DNAJC11: variants seen among roughly 807,000 people sequenced by gnomAD.
The protein encoded by DNAJC11 is dnaJ homolog subfamily C member 11.
In DNAJC11, 15 loss-of-function variants were observed where a neutral mutation model predicts 78.6. That is an observed-to-expected ratio of 0.19 (90% CI 0.13 to 0.29). The LOEUF (loss-of-function observed/expected upper bound fraction) is 0.29. Among genes scored for constraint, DNAJC11 ranks in the 10% least tolerant of loss-of-function variants. The pLI is 1.00. For missense variants in DNAJC11, 547 were observed against 709.6 expected, an observed-to-expected ratio of 0.77 and a Z score of 2.60; for synonymous variants, 292 against 272.1, an observed-to-expected ratio of 1.07 and a Z score of -0.72.
rs1003254563 is a variant in DNAJC11 at position 6,645,446 on chromosome 1, G to A, written c.895-320C>T. 1.3e-5 allele frequency among the ~76,000 whole-genome samples: 2 copies of A among 152,244 alleles called. No homozygotes were observed. The highest frequency in any genetic ancestry group is 2.9e-5 in the Non-Finnish European group (2 of 68,042). ...CCCGTGTGGGGCTTCTCATGTACCAGCCCTGGTGTGGCCACAGGGGCGTCC... is the reference window on the plus strand; with the variant it reads ...CCCGTGTGGGGCTTCTCATGTACCAACCCTGGTGTGGCCACAGGGGCGTCC... On this transcript the variant is annotated intron_variant, in intron 8 of 15. Transcript: ENST00000377577. This position sits in a 1 kb window ranked among gnomAD's most constrained non-coding sequence, Gnocchi z 4.1.
intron 9 of DNAJC11, 113 bp from the exon 10 acceptor site, chr1:6,644,787 C>G: frequency 1.1e-6 from 1 of 938,948 alleles, no homozygotes; most frequent in Non-Finnish European, 1.7e-6. Context: ...GCCTCCTCGA[C>G]CCCCAGGGAG....
At chr1:6,655,117 T>G (rs1475437077) in intron 4 of DNAJC11, among the ~76,000 whole-genome samples, 1 of 152,192 alleles carries the variant, frequency 6.6e-6, no homozygotes, top group Non-Finnish European at 1.5e-5. Context: ...TTCTATCAGA[T>G]GCTTCAATCT....
rs1642536955 is a variant in DNAJC11 at position 6,680,607 on chromosome 1, A to T, written c.202+301T>A. Reference sequence around the variant, plus strand: ...CCTTCCCTGTAACGATCAGCCTTTTACCTATAAGAGTTCCCTTTAGAAGAA... The same window carrying T: ...CCTTCCCTGTAACGATCAGCCTTTTTCCTATAAGAGTTCCCTTTAGAAGAA... On this transcript the variant is annotated intron_variant, in intron 2 of 15. Transcript: ENST00000377577. This position sits in a 1 kb window ranked among gnomAD's most constrained non-coding sequence, Gnocchi z 4.0. Among the ~76,000 whole-genome samples, 1 of 152,220 alleles carries T rather than the reference A, an allele frequency of 6.6e-6. No individual in the cohort carries two copies. The highest frequency in any genetic ancestry group is 6.5e-5 in the Admixed American group (1 of 15,284).
chr1:6,645,217 T>G lies in DNAJC11; in HGVS notation c.895-91A>C. The G allele has an allele frequency of 9.9e-7, 1 of 1,011,806 alleles. No homozygotes were observed. Among genetic ancestry groups the G allele is most frequent in the East Asian group, 2.5e-5 (1 of 40,712 alleles). 62.7% of individuals were successfully genotyped at this position (1,011,806 alleles called of 1,614,324 possible). A position where few individuals can be genotyped will look rare whatever the true frequency, so the allele number is the denominator to read the frequency against. ...TGCCCTCCCACTAGCTCTGGGCATCTGCTGCACACAGGCCTTTAAGGCAGG... is the reference window on the plus strand; with the variant it reads ...TGCCCTCCCACTAGCTCTGGGCATCGGCTGCACACAGGCCTTTAAGGCAGG... On this transcript the variant is annotated intron_variant, in intron 8 of 15. Transcript: ENST00000377577. This position sits in a 1 kb window ranked among gnomAD's most constrained non-coding sequence, Gnocchi z 4.1.
At position 6,680,981 on chromosome 1, in the gene DNAJC11, T is replaced by C. The variant is rs756606055; in HGVS notation, c.129A>G (p.Pro43=). 1.8e-5 allele frequency: 29 copies of C among 1,614,160 alleles called. No individual in the cohort carries two copies. The South Asian group carries it at 2.9e-4, about 16-fold the overall frequency. The change falls in exon 2 of 16, where the codon CCA becomes CCG. Residue 43 remains proline, a synonymous_variant. Coordinates refer to ENST00000377577, the MANE Select transcript of DNAJC11 (RefSeq NM_018198.4). This position sits in a 1 kb window ranked among gnomAD's most constrained non-coding sequence, Gnocchi z 4.0. The part of the protein sequence containing the change: ...AYRRLCMLYH[P]DKHRDPELKS... ...TGAGCTCTGGGTCTCTGTGCTTGTC[T>C]GGATGGTAGAGCATACAGAGCCTCC... is the stretch of plus-strand genomic sequence containing the variant.
At chr1:6,695,643 A>AAAAAAAAT (rs1642823676) in intron 1 of DNAJC11, among the ~76,000 whole-genome samples, 1 of 148,610 alleles carries the variant, frequency 6.7e-6, no homozygotes, top group South Asian at 2.1e-4. Context: ...AAAAAAAAAA[A>AAAAAAAAT]AAAAAAAAAA....
chr1:6,645,728 G>A lies in DNAJC11; in HGVS notation c.894+61C>T. The A allele has an allele frequency of 6.4e-7, 1 of 1,568,862 alleles. No homozygotes were observed. The highest frequency in any genetic ancestry group is 2.2e-5 in the East Asian group (1 of 44,454). On this transcript the variant is annotated intron_variant, in intron 8 of 15. Transcript: ENST00000377577. This position sits in a 1 kb window ranked among gnomAD's most constrained non-coding sequence, Gnocchi z 4.1. The stretch of plus-strand genomic sequence containing the variant: ...GCAGGATTTAAGGGGAGCACTGAGT[G>A]CTTGGGAGGAGGGGTCCTCCCAGAG...
intron 1 of DNAJC11, among the ~76,000 whole-genome samples, chr1:6,686,425 TTC>T (rs1395144413): frequency 2.0e-5 from 3 of 152,210 alleles, no homozygotes; most frequent in Non-Finnish European, 4.4e-5. Context: ...AATGGCTTAT[TTC>T]TCTCTCACTT....
At chr1:6,635,826 T>A in intron 15 of DNAJC11, 126 bp from the exon 16 acceptor site, 1 of 1,208,514 alleles carries the variant, frequency 8.3e-7, no homozygotes, top group Non-Finnish European at 1.2e-6. Context: ...GAGCACCCGC[T>A]GCTGAAAATC....
intron 3 of DNAJC11, among the ~76,000 whole-genome samples, chr1:6,672,587 G>T (rs1330920573): frequency 1.3e-5 from 2 of 152,192 alleles, no homozygotes; most frequent in Non-Finnish European, 2.9e-5. Context: ...TAACAGCAAA[G>T]CCAAAATGGC....
intron 10 of DNAJC11, among the ~76,000 whole-genome samples, chr1:6,643,415 A>G (rs1180732569): frequency 6.6e-6 from 1 of 151,590 alleles, no homozygotes; most frequent in African/African-American, 2.4e-5. Context: ...AGCAGAGACT[A>G]CAGGCGCCCG....
At chr1:6,651,995 C>T (rs928563192) in intron 6 of DNAJC11, among the ~76,000 whole-genome samples, 1 of 151,882 alleles carries the variant, frequency 6.6e-6, no homozygotes, top group African/African-American at 2.4e-5. Flanking sequence ...CATGCACTGC[C>T]GACTCCTTTT....
chr1:6,699,150 A>G (rs530965485), intron 1 of DNAJC11, among the ~76,000 whole-genome samples: 11 of 151,780 alleles, frequency 7.2e-5, no homozygotes, highest in Admixed American at 7.2e-4. Context: ...AGATACAAAA[A>G]TTAGCTGGGT....
chr1:6,695,321 G>A (rs1048618199), intron 1 of DNAJC11, among the ~76,000 whole-genome samples: 1 of 151,602 alleles, frequency 6.6e-6, no homozygotes, highest in Non-Finnish European at 1.5e-5. Flanking sequence ...TTTAAAGTAA[G>A]CAAAACTTCA....
intron 4 of DNAJC11, among the ~76,000 whole-genome samples, chr1:6,659,562 C>A (rs1642177382): frequency 6.6e-6 from 1 of 151,556 alleles, no homozygotes; most frequent in Admixed American, 6.6e-5. Flanking sequence ...GAGTTTGAGA[C>A]CAGCCTGGCC....
Position 6,645,317 on chromosome 1 carries a change from C to T in DNAJC11, c.895-191G>A, listed in dbSNP as rs1641948765. ...AGTAATTAAAAAGTGGGAGACTTCA[C>T]TGAAAACCCAGTTTTCTAGCTTCTC... On this transcript the variant is annotated intron_variant, in intron 8 of 15. Transcript: ENST00000377577. The surrounding 1 kb of genome is among the most constrained non-coding windows in gnomAD (Gnocchi z 4.1). Among the ~76,000 whole-genome samples, 1 of 152,242 alleles carries T rather than the reference C, an allele frequency of 6.6e-6. No homozygotes were observed. Among genetic ancestry groups the T allele is most frequent in the African/African-American group, 2.4e-5 (1 of 41,460 alleles).
At chr1:6,698,036 C>T (rs1346792751) in intron 1 of DNAJC11, among the ~76,000 whole-genome samples, 2 of 152,124 alleles carry the variant, frequency 1.3e-5, no homozygotes, top group Non-Finnish European at 2.9e-5. Flanking sequence ...GTGATCCGCC[C>T]GTCTTGGCCT....
intron 3 of DNAJC11, chr1:6,670,422 A>G (rs942116377): frequency 7.9e-5 from 12 of 152,132 alleles, no homozygotes; most frequent in Admixed American, 6.6e-4. Context: ...ACGTGCACAC[A>G]CACATACACA....
At chr1:6,657,255 T>C (rs1454672006) in intron 4 of DNAJC11, among the ~76,000 whole-genome samples, 1 of 152,160 alleles carries the variant, frequency 6.6e-6, no homozygotes, top group Non-Finnish European at 1.5e-5. Context: ...TGGGGGACAC[T>C]AGCTAATACG....
Sources: gnomAD v4.1 joint callset for allele counts (sites outside exome capture counted in the v4.1 genomes callset) on GRCh38, gnomAD v4.1.1 for gene constraint, Gnocchi (gnomAD v3.1) non-coding constraint, MANE v1.5 for transcripts, NCBI Gene and HGNC (gene_info 2026-07-23, HGNC 2026-07-21) for gene names.